PDCD10: variants seen among roughly 807,000 people sequenced by gnomAD.
PDCD10 encodes programmed cell death protein 10.
Under a neutral mutation model 29.2 loss-of-function variants are expected in PDCD10, and 4 were observed. The ratio of observed to expected loss-of-function variants is 0.14; its 90% CI spans 0.07 to 0.31. The LOEUF is 0.31. PDCD10 is among the 10% of genes least tolerant of loss of function. PDCD10 has a pLI of 1.00. For synonymous variants in PDCD10, 70 were observed against 82.2 expected (o/e 0.85, Z 0.80); for missense variants, 183 against 257.9 (o/e 0.71, Z 1.99).
intron 2 of PDCD10, among the ~76,000 whole-genome samples, chr3:167,725,728 T>C (rs1724046276): frequency 7.0e-6 from 1 of 142,196 alleles, no homozygotes; most frequent in Non-Finnish European, 1.5e-5. Flanking sequence ...CTCTTGTTAA[T>C]GGTAAGTGTA....
intron 2 of PDCD10, among the ~76,000 whole-genome samples, chr3:167,728,236 TAAAAAA>T: frequency 1.5e-5 from 2 of 131,154 alleles, no homozygotes; most frequent in Admixed American, 1.6e-4. Flanking sequence ...CAGTTCTCAA[TAAAAAA>T]AAAAAAAGGA....
chr3:167,697,144 C>T lies in PDCD10; in HGVS notation c.151-18G>A. The T allele has an allele frequency of 7.5e-7, 1 of 1,334,786 alleles. No individual in the cohort carries two copies. The highest frequency in any genetic ancestry group is 1.2e-5 in the South Asian group (1 of 85,256). 82.7% of individuals were successfully genotyped at this position (1,334,786 alleles called of 1,614,324 possible). On this transcript the variant is annotated intron_variant, in intron 4 of 8. Coordinates refer to ENST00000392750, the MANE Select transcript of PDCD10 (RefSeq NM_007217.4). Reference sequence around the variant, plus strand: ...TTTTCAGCCTATAATAAAGAGAAAACTAGTTTTGAAATACAGATAAGGAAT... The same window carrying T: ...TTTTCAGCCTATAATAAAGAGAAAATTAGTTTTGAAATACAGATAAGGAAT...
rs776584568 is a variant in PDCD10, at chr3:167,695,585, T to C, written c.395+11A>G. 1 of 1,611,944 alleles carries C rather than the reference T, an allele frequency of 6.2e-7. No individual in the cohort carries two copies. The highest frequency in any genetic ancestry group is 8.5e-7 in the Non-Finnish European group (1 of 1,178,040). On this transcript the variant is annotated intron_variant, in intron 6 of 8. Transcript: ENST00000392750. Reference sequence around the variant, plus strand: ...TTAAGAAAAGAAGAAACAAAACAAATAATTGCTTACTTGATTGTCTGCAGA... The same window carrying C: ...TTAAGAAAAGAAGAAACAAAACAAACAATTGCTTACTTGATTGTCTGCAGA...
chr3:167,692,340 A>G (rs956682430), intron 6 of PDCD10, among the ~76,000 whole-genome samples: 14 of 152,202 alleles, frequency 9.2e-5, no homozygotes, highest in Non-Finnish European at 1.9e-4. Flanking sequence ...CATAAAGTGC[A>G]TCCATATATG....
chr3:167,686,456 C>T (rs1467880813), intron 8 of PDCD10, among the ~76,000 whole-genome samples: 1 of 152,158 alleles, frequency 6.6e-6, no homozygotes, highest in Non-Finnish European at 1.5e-5. Context: ...TGACTCCACT[C>T]CCAGCCAACT....
At chr3:167,684,846 A>T (rs928541320) in intron 8 of PDCD10, among the ~76,000 whole-genome samples, 3 of 152,224 alleles carry the variant, frequency 2.0e-5, no homozygotes, top group Admixed American at 1.3e-4. Flanking sequence ...CCTTAAAAAA[A>T]GGTAGAAATT....
At chr3:167,711,578 A>G (rs901085811) in intron 3 of PDCD10, among the ~76,000 whole-genome samples, 3 of 152,204 alleles carry the variant, frequency 2.0e-5, no homozygotes, top group African/African-American at 7.2e-5. Flanking sequence ...GAGGTAGAAA[A>G]AGAGATAAGG....
chr3:167,717,850 T>G (rs1261200017), intron 3 of PDCD10, among the ~76,000 whole-genome samples: 2 of 152,066 alleles, frequency 1.3e-5, no homozygotes, highest in Non-Finnish European at 2.9e-5. Flanking sequence ...GATCAGTAAA[T>G]TCAATTTGAG....
At chr3:167,688,416 T>A (rs1374617742) in intron 6 of PDCD10, among the ~76,000 whole-genome samples, 1 of 152,092 alleles carries the variant, frequency 6.6e-6, no homozygotes, top group Non-Finnish European at 1.5e-5. Flanking sequence ...CCAGCAATCA[T>A]CCTTTGACTA....
Position 167,734,727 on chromosome 3 carries a change from C to G in PDCD10, c.-319G>C, listed in dbSNP as rs966916029. The stretch of plus-strand genomic sequence containing the variant: ...CCAGAACCAAGCCCAAGTGCCTCAG[C>G]CATGGCCCCTGCGTGACCCTAGACC... On this transcript the variant is annotated 5_prime_UTR_variant, in exon 1 of 9. Coordinates refer to ENST00000392750, the MANE Select transcript of PDCD10 (RefSeq NM_007217.4). The G allele has an allele frequency of 6.5e-6, 1 of 154,494 alleles. No individual in the cohort carries two copies. The highest frequency in any genetic ancestry group is 1.4e-5 in the Non-Finnish European group (1 of 69,558). 9.6% of individuals were successfully genotyped at this position (154,494 alleles called of 1,614,324 possible).
At chr3:167,710,788 T>C (rs1021287696) in intron 3 of PDCD10, among the ~76,000 whole-genome samples, 2 of 152,166 alleles carry the variant, frequency 1.3e-5, no homozygotes, top group Non-Finnish European at 2.9e-5. Context: ...CCCAGTGCAA[T>C]TCCAGAGGTG....
intron 3 of PDCD10, among the ~76,000 whole-genome samples, chr3:167,712,186 A>G (rs932306793): frequency 1.3e-5 from 2 of 152,160 alleles, no homozygotes; most frequent in African/African-American, 2.4e-5. Flanking sequence ...ATCAAAAATA[A>G]TAACTATAAC....
At chr3:167,727,994 C>T (rs1454555354) in intron 2 of PDCD10, among the ~76,000 whole-genome samples, 2 of 152,102 alleles carry the variant, frequency 1.3e-5, no homozygotes, top group African/African-American at 2.4e-5. Context: ...CCTTTAGCTC[C>T]CAATTGATCT....
intron 6 of PDCD10, among the ~76,000 whole-genome samples, chr3:167,694,897 A>G (rs1361364272): frequency 6.6e-6 from 1 of 152,242 alleles, no homozygotes; most frequent in Non-Finnish European, 1.5e-5. Flanking sequence ...AAAACCATGC[A>G]TTGATAGTGA....
chr3:167,695,463 TG>T, intron 6 of PDCD10, 132 bp downstream of exon 6: 1 of 780,592 alleles, frequency 1.3e-6, no homozygotes, highest in Non-Finnish European at 2.2e-6. Context: ...TAATAAAATG[TG>T]GTATTTAAAA....
At chr3:167,719,484 C>A (rs1723356800) in intron 3 of PDCD10, among the ~76,000 whole-genome samples, 1 of 152,024 alleles carries the variant, frequency 6.6e-6, no homozygotes, top group Non-Finnish European at 1.5e-5. Context: ...CAAAATATAT[C>A]AATATTAAGT....
rs1281996183 is a variant in PDCD10 at position 167,683,635 on chromosome 3, A to G, written c.*673T>C. 6.6e-6 allele frequency: 1 copy of G among 151,972 alleles called. No individual in the cohort carries two copies. The highest frequency in any genetic ancestry group is 1.5e-5 in the Non-Finnish European group (1 of 67,902). 9.4% of individuals were successfully genotyped at this position (151,972 alleles called of 1,614,324 possible). ...CACTAGAAAATGCTATCTCTTACTCATAAGTCGTTTAAAACAGGTTGGAAA... is the reference window on the plus strand; with the variant it reads ...CACTAGAAAATGCTATCTCTTACTCGTAAGTCGTTTAAAACAGGTTGGAAA... On this transcript the variant is annotated 3_prime_UTR_variant, in exon 9 of 9. Transcript: ENST00000392750.
chr3:167,691,799 ACAC>A (rs1720270080), intron 6 of PDCD10, among the ~76,000 whole-genome samples: 4 of 152,222 alleles, frequency 2.6e-5, no homozygotes, highest in African/African-American at 9.6e-5. Flanking sequence ...ACAGCAGTGA[ACAC>A]CTGGCATTAG....
At chr3:167,697,197 T>G in intron 4 of PDCD10, 71 bp from the exon 5 acceptor site, 3 of 866,278 alleles carry the variant, frequency 3.5e-6, no homozygotes, top group Non-Finnish European at 5.8e-6. Context: ...AGTTTAATTG[T>G]TTAGAATCTG....
Sources: allele counts gnomAD v4.1 joint callset (sites outside exome capture counted in the v4.1 genomes callset), GRCh38; gene constraint gnomAD v4.1.1; transcripts MANE v1.5; gene names NCBI Gene and HGNC (gene_info 2026-07-23, HGNC 2026-07-21).